Variants in WARS2 observed in about 807,000 individuals in gnomAD.
The protein encoded by WARS2 is tryptophanyl tRNA synthetase 2, mitochondrial.
In WARS2, 28 loss-of-function variants were observed where a neutral mutation model predicts 36.5. The ratio of observed to expected loss-of-function variants is 0.77; its 90% CI spans 0.57 to 1.05. The LOEUF is 1.05. Among genes scored for constraint, WARS2 ranks in the 50% least tolerant of loss-of-function variants. The probability of loss-of-function intolerance (pLI) is 0.00; values close to 1 mark genes in which losing one functional copy is unlikely to be tolerated. For synonymous variants in WARS2, 174 were observed against 178.4 expected, an observed-to-expected ratio of 0.98 and a Z score of 0.20; for missense variants, 435 against 456.8, an observed-to-expected ratio of 0.95 and a Z score of 0.44.
At chr1:119,039,813 T>C (rs1648195850) in intron 4 of WARS2, among the ~76,000 whole-genome samples, 1 of 152,174 alleles carries the variant, frequency 6.6e-6, no homozygotes, top group Non-Finnish European at 1.5e-5. Context: ...GAAACACTAA[T>C]ATTTGGCTTG....
At chr1:119,085,005 C>A in intron 1 of WARS2, 1 of 614,252 alleles carries the variant, frequency 1.6e-6, no homozygotes, top group Non-Finnish European at 3.0e-6. Context: ...TCTTCAGTGA[C>A]GCCTACAGTC....
At chr1:119,078,897 CGTGTGTGT>C (rs144044142) in intron 1 of WARS2, among the ~76,000 whole-genome samples, 12 of 148,348 alleles carry the variant, frequency 8.1e-5, no homozygotes, top group Non-Finnish European at 1.5e-4. Context: ...TGAAGGTGCA[CGTGTGTGT>C]GTGTGTGTGT....
At chr1:119,100,959 A>G (rs1008661990) in intron 1 of WARS2, among the ~76,000 whole-genome samples, 4 of 152,172 alleles carry the variant, frequency 2.6e-5, no homozygotes, top group Non-Finnish European at 5.9e-5. Flanking sequence ...CCAGGCACCA[A>G]AAGACAAACA....
intron 1 of WARS2, among the ~76,000 whole-genome samples, chr1:119,098,594 C>T (rs909425406): frequency 3.3e-5 from 5 of 151,248 alleles, no homozygotes; most frequent in Non-Finnish European, 5.9e-5. Flanking sequence ...CCCGCCATCA[C>T]GCGCAGCTAA....
At chr1:119,041,148 G>A (rs1390936829) in intron 4 of WARS2, among the ~76,000 whole-genome samples, 1 of 152,172 alleles carries the variant, frequency 6.6e-6, no homozygotes, top group Non-Finnish European at 1.5e-5. Flanking sequence ...TACAGATACT[G>A]TCATCTTCAT....
chr1:119,100,367 T>A (rs1204210973), intron 1 of WARS2, among the ~76,000 whole-genome samples: 1 of 152,206 alleles, frequency 6.6e-6, no homozygotes, highest in Non-Finnish European at 1.5e-5. Context: ...ACAGCTTCTA[T>A]GGAAAACTGT....
chr1:119,129,812 A>G (rs1655966417), intron 1 of WARS2, among the ~76,000 whole-genome samples: 1 of 152,250 alleles, frequency 6.6e-6, no homozygotes, highest in Admixed American at 6.5e-5. Flanking sequence ...ACATGTAATG[A>G]CAATTTGGTA....
intron 2 of WARS2, among the ~76,000 whole-genome samples, chr1:119,047,109 G>C (rs188220054): frequency 6.6e-6 from 1 of 152,318 alleles, no homozygotes; most frequent in East Asian, 1.9e-4. Flanking sequence ...TTGACACACT[G>C]TCCATGCAAA....
At chr1:119,057,718 A>G (rs1183883393) in intron 2 of WARS2, among the ~76,000 whole-genome samples, 1 of 151,330 alleles carries the variant, frequency 6.6e-6, no homozygotes, top group Non-Finnish European at 1.5e-5. Flanking sequence ...TGAACCCGGG[A>G]GGCAGAGGTT....
At chr1:119,097,583 C>T (rs587636925) in intron 1 of WARS2, among the ~76,000 whole-genome samples, 7 of 152,318 alleles carry the variant, frequency 4.6e-5, no homozygotes, top group Admixed American at 1.3e-4. Context: ...CTCTCCAAAT[C>T]CCCAGGACAA....
intron 2 of WARS2, among the ~76,000 whole-genome samples, chr1:119,047,863 A>G (rs997772682): frequency 6.6e-6 from 1 of 152,258 alleles, no homozygotes; most frequent in African/African-American, 2.4e-5. Flanking sequence ...CAAACAAGTC[A>G]GCAGTGATGA....
In WARS2 at chr1:119,046,341, A is replaced by G. The variant is rs376682087; in HGVS notation, c.349-679T>C. 2.1e-4 allele frequency among the ~76,000 whole-genome samples: 27 copies of G among 130,636 alleles called. No individual in the cohort carries two copies. The East Asian group carries it at 4.9e-3, about 24-fold the overall frequency. The allele number at this position is 130,636 out of a possible 152,430, so 85.7% of individuals were successfully genotyped here. A position where few individuals can be genotyped will look rare whatever the true frequency, so the allele number is the denominator to read the frequency against. ...AAGTCTAATCAGCAAGAAAATATAA[A>G]CTTTCCCCAATTTTTTTTTTTTTTT... On this transcript the variant is annotated intron_variant, in intron 2 of 5. Coordinates refer to ENST00000235521, the MANE Select transcript of WARS2 (RefSeq NM_015836.4).
Position 119,125,488 on chromosome 1 carries a change from T to G in WARS2, c.90+15067A>C, listed in dbSNP as rs768202504. Among the ~76,000 whole-genome samples the G allele has an allele frequency of 2.6e-5, 4 of 152,236 alleles. No individual in the cohort carries two copies. In the East Asian group the frequency reaches 7.7e-4, roughly 29 times the overall value. On this transcript the variant is annotated intron_variant, in intron 1 of 5. Coordinates refer to ENST00000235521, the MANE Select transcript of WARS2 (RefSeq NM_015836.4). ...ACTAGTCTATCTCCAATATCTACCATATAATAAGTACTCAATAAATATTTG... is the reference window on the plus strand; with the variant it reads ...ACTAGTCTATCTCCAATATCTACCAGATAATAAGTACTCAATAAATATTTG...
At chr1:119,086,681 G>A (rs1272239561) in intron 1 of WARS2, among the ~76,000 whole-genome samples, 2 of 152,046 alleles carry the variant, frequency 1.3e-5, no homozygotes, top group Non-Finnish European at 2.9e-5. Context: ...TCTTCCTCAG[G>A]GTATTGGGGA....
intron 4 of WARS2, among the ~76,000 whole-genome samples, chr1:119,039,362 T>C (rs953427686): frequency 6.6e-6 from 1 of 152,040 alleles, no homozygotes; most frequent in African/African-American, 2.4e-5. Context: ...TTTATGTGTA[T>C]GTGTGTGTGT....
intron 1 of WARS2, chr1:119,085,575 A>C: frequency 6.3e-7 from 1 of 1,589,652 alleles, no homozygotes; most frequent in Non-Finnish European, 8.6e-7. Flanking sequence ...CTCTTTGGTC[A>C]CATCATCCAT....
chr1:119,124,070 T>C (rs1389814340), intron 1 of WARS2, among the ~76,000 whole-genome samples: 1 of 152,234 alleles, frequency 6.6e-6, no homozygotes, highest in African/African-American at 2.4e-5. Context: ...CATTATTTTG[T>C]GTCTCAGTAA....
intron 2 of WARS2, among the ~76,000 whole-genome samples, chr1:119,058,868 C>A (rs966914327): frequency 6.7e-6 from 1 of 148,674 alleles, no homozygotes; most frequent in Non-Finnish European, 1.5e-5. Flanking sequence ...GTTCTAGATC[C>A]CTGAGGAATC....
chr1:119,121,072 G>C (rs1456763057), intron 1 of WARS2, among the ~76,000 whole-genome samples: 1 of 152,004 alleles, frequency 6.6e-6, no homozygotes, highest in Non-Finnish European at 1.5e-5. Flanking sequence ...AAGAAATAAA[G>C]GGCATCCAAA....
Sources: gnomAD v4.1 joint callset for allele counts (sites outside exome capture counted in the v4.1 genomes callset) on GRCh38, gnomAD v4.1.1 for gene constraint, MANE v1.5 for transcripts, NCBI Gene and HGNC (gene_info 2026-07-23, HGNC 2026-07-21) for gene names.